FADS2: variants seen among roughly 807,000 people sequenced by gnomAD.
The protein encoded by FADS2 is fatty acid desaturase 2, also known as acyl-CoA 6-desaturase.
In FADS2, 18 loss-of-function variants were observed where a neutral mutation model predicts 61.2. The ratio of observed to expected loss-of-function variants is 0.29; its 90% CI spans 0.20 to 0.44. The LOEUF is 0.44. FADS2 is among the 20% of genes least tolerant of loss of function. The probability of loss-of-function intolerance (pLI) is 1.00; values close to 1 mark genes in which losing one functional copy is unlikely to be tolerated. For missense variants in FADS2, 322 were observed against 572.7 expected (o/e 0.56, Z 4.47); for synonymous variants, 203 against 223.9 (o/e 0.91, Z 0.83).
chr11:61,861,150 C>G (rs1306748787), intron 7 of FADS2, among the ~76,000 whole-genome samples: 3 of 151,760 alleles, frequency 2.0e-5, no homozygotes, highest in Admixed American at 1.3e-4. Context: ...GTCAGGAGAT[C>G]GAGACCATCC....
In FADS2 at chr11:61,865,490, C is replaced by T; in HGVS notation, c.1284-148C>T. ...GGGTTCCTGGTGGGCTCTGAGCTGACAGCCCCACAGGCCCAGTGGCAGTGG... is the reference window on the plus strand; with the variant it reads ...GGGTTCCTGGTGGGCTCTGAGCTGATAGCCCCACAGGCCCAGTGGCAGTGG... On this transcript the variant is annotated intron_variant, in intron 11 of 11. Coordinates refer to ENST00000278840, the MANE Select transcript of FADS2 (RefSeq NM_004265.4). This position sits in a 1 kb window ranked among gnomAD's most constrained non-coding sequence, Gnocchi z 4.1. 1 of 927,182 alleles carries T rather than the reference C, an allele frequency of 1.1e-6. No individual in the cohort carries two copies. The highest frequency in any genetic ancestry group is 1.6e-6 in the Non-Finnish European group (1 of 606,130). The allele number at this position is 927,182 out of a possible 1,614,324, so 57.4% of individuals were successfully genotyped here.
At chr11:61,844,786 G>T (rs1181903268) in intron 4 of FADS2, among the ~76,000 whole-genome samples, 1 of 148,974 alleles carries the variant, frequency 6.7e-6, no homozygotes, top group Non-Finnish European at 1.5e-5. Flanking sequence ...TTAGCCGGGC[G>T]TGGTGGCACA....
chr11:61,821,233 T>C (rs1272028940), intron 1 of FADS2: 7 of 570,926 alleles, frequency 1.2e-5, no homozygotes, highest in African/African-American at 1.9e-5. Context: ...AAGACCCTAA[T>C]GCCAGGCCAG....
At position 61,863,370 on chromosome 11, in the gene FADS2, A is replaced by C; in HGVS notation, c.1069A>C (p.Ser357Arg). ...CCAGGAGGCCTACCGTGACTGGTTC[A>C]GTAGCCAGGTAGGGAAGTCAGGGCC... ...IDQEAYRDWF[S>R]SQLTATCNVE... The change falls in exon 9 of 12, where the codon AGT becomes CGT. Residue 357 changes from serine to arginine, a missense_variant. By Grantham distance (110) the Ser-to-Arg change is moderately radical. Coordinates refer to ENST00000278840, the MANE Select transcript of FADS2 (RefSeq NM_004265.4). The C allele has an allele frequency of 6.2e-7, 1 of 1,612,254 alleles. No homozygotes were observed. Among genetic ancestry groups the C allele is most frequent in the Non-Finnish European group, 8.5e-7 (1 of 1,178,278 alleles).
chr11:61,824,407 AG>A (rs1565325063), upstream of FADS2, among the ~76,000 whole-genome samples: 1 of 7,720 alleles, frequency 1.3e-4, no homozygotes, highest in Non-Finnish European at 3.9e-4. Flanking sequence ...AGAGAGAGAG[AG>A]AGAGAGAGAG....
intron 4 of FADS2, among the ~76,000 whole-genome samples, chr11:61,846,131 C>CTTTTTTTT (rs550169322): frequency 7.7e-6 from 1 of 130,482 alleles, no homozygotes; most frequent in East Asian, 2.3e-4. Context: ...TCTTTCTTTT[C>CTTTTTTTT]TTTTTTTTTT....
At chr11:61,828,286 A>G, upstream of FADS2, 2 of 1,466,624 alleles carry the variant, frequency 1.4e-6, no homozygotes, top group East Asian at 2.5e-5. The surrounding 1 kb of genome is among the most constrained non-coding windows in gnomAD (Gnocchi z 6.4). Flanking sequence ...GCCGAAAGCG[A>G]AGAGGGCCCG....
chr11:61,829,710 G>A (rs918312613), intron 1 of FADS2, among the ~76,000 whole-genome samples: 7 of 152,330 alleles, frequency 4.6e-5, no homozygotes, highest in African/African-American at 1.4e-4. Context: ...AAGTGAATAG[G>A]AGAGAGGCAG....
At chr11:61,849,441 C>G (rs1298650334) in intron 5 of FADS2, among the ~76,000 whole-genome samples, 1 of 152,016 alleles carries the variant, frequency 6.6e-6, no homozygotes, top group Non-Finnish European at 1.5e-5. Flanking sequence ...TTTTAGTTAG[C>G]CAGGCATGGT....
chr11:61,860,480 C>T (rs148320220), intron 7 of FADS2, among the ~76,000 whole-genome samples: 1 of 152,230 alleles, frequency 6.6e-6, no homozygotes, highest in Admixed American at 6.5e-5. Context: ...CTCCCTCTTG[C>T]AGTTCTTCCT....
At chr11:61,858,471 G>A (rs925932280) in intron 7 of FADS2, among the ~76,000 whole-genome samples, 32 of 151,798 alleles carry the variant, frequency 2.1e-4, no homozygotes, top group African/African-American at 7.3e-4. Flanking sequence ...GAGCCACCAC[G>A]CCTGGCCTAT....
upstream of FADS2, chr11:61,826,196 C>T: frequency 1.4e-6 from 1 of 702,576 alleles, no homozygotes; most frequent in Non-Finnish European, 2.6e-6. Context: ...CAATTTGAGC[C>T]CCATCTACCG....
intron 1 of FADS2, among the ~76,000 whole-genome samples, chr11:61,832,958 C>G (rs572904692): frequency 6.6e-6 from 1 of 152,352 alleles, no homozygotes; most frequent in African/African-American, 2.4e-5. Context: ...TAAACAAATC[C>G]TGGCACCAGG....
intron 4 of FADS2, among the ~76,000 whole-genome samples, chr11:61,843,419 G>A (rs923025021): frequency 1.3e-5 from 2 of 152,180 alleles, no homozygotes; most frequent in African/African-American, 4.8e-5. Flanking sequence ...GACAGAGTGA[G>A]ACACTGTCTC....
chr11:61,865,436 G>A lies in FADS2; in HGVS notation c.1283+159G>A, dbSNP rs2067460084. ...GGAGCTGTTGGGCTTTTCTCCCTGG[G>A]CTGCGAGAAGACCATCCCTTTCTGT... is the stretch of plus-strand genomic sequence containing the variant. On this transcript the variant is annotated intron_variant, in intron 11 of 11. Coordinates refer to ENST00000278840, the MANE Select transcript of FADS2 (RefSeq NM_004265.4). The surrounding 1 kb of genome is among the most constrained non-coding windows in gnomAD (Gnocchi z 4.1). The A allele has an allele frequency of 9.8e-7, 1 of 1,015,948 alleles. No individual in the cohort carries two copies. Among genetic ancestry groups the A allele is most frequent in the East Asian group, 2.6e-5 (1 of 38,186 alleles). 62.9% of individuals were successfully genotyped at this position (1,015,948 alleles called of 1,614,324 possible).
intron 7 of FADS2, chr11:61,862,557 G>A (rs571129305): frequency 5.9e-4 from 134 of 228,356 alleles, no homozygotes; most frequent in Non-Finnish European, 1.6e-4. Flanking sequence ...TGTCCTGCTG[G>A]AAGGAGATGC....
intron 1 of FADS2, among the ~76,000 whole-genome samples, chr11:61,822,109 A>G (rs1380036636): frequency 6.6e-6 from 1 of 152,144 alleles, no homozygotes; most frequent in Non-Finnish European, 1.5e-5. Context: ...AGCTGGGACT[A>G]CAGGCGTCTG....
chr11:61,818,330 G>T (rs1020245514), intron 1 of FADS2, among the ~76,000 whole-genome samples: 3 of 152,140 alleles, frequency 2.0e-5, no homozygotes, highest in African/African-American at 7.2e-5. Flanking sequence ...CAGGCTATTG[G>T]ACCCTGCTCA....
At chr11:61,830,260 C>A (rs574731955) in intron 1 of FADS2, among the ~76,000 whole-genome samples, 1 of 152,174 alleles carries the variant, frequency 6.6e-6, no homozygotes, top group Admixed American at 6.5e-5. Flanking sequence ...CAGGCCCTCA[C>A]CAAAAAGTTT....
Sources: allele counts gnomAD v4.1 joint callset (sites outside exome capture counted in the v4.1 genomes callset), GRCh38; gene constraint gnomAD v4.1.1; non-coding constraint Gnocchi (gnomAD v3.1); transcripts MANE v1.5; gene names NCBI Gene and HGNC (gene_info 2026-07-23, HGNC 2026-07-21).